Variants in TULP4 observed in about 807,000 individuals in gnomAD.
TULP4 encodes the protein TUB like protein 4.
TULP4 carries 16 observed loss-of-function variants against 129.0 expected under a neutral mutation model. The observed-to-expected ratio is 0.12, with a 90% CI of 0.08 to 0.19. The LOEUF is 0.19. Among genes scored for constraint, TULP4 ranks in the 10% least tolerant of loss-of-function variants. The pLI, the probability that TULP4 is intolerant of heterozygous loss-of-function variation, is 1.00. For synonymous variants in TULP4, 998 were observed against 854.0 expected (o/e 1.17, Z -2.94); for missense variants, 1,842 against 2,059.1 (o/e 0.89, Z 2.04).
At position 158,413,088 on chromosome 6, in the gene TULP4, G is replaced by A; in HGVS notation, c.276G>A (p.Glu92=). ...AGGTTGTGCTGGTGAGGTGGAATGAGCCCTACCAGAAACTGGCCACGTGCG... is the reference window on the plus strand; with the variant it reads ...AGGTTGTGCTGGTGAGGTGGAATGAACCCTACCAGAAACTGGCCACGTGCG... The part of the protein sequence containing the change: ...NSEVVLVRWN[E]PYQKLATCDA... The change falls in exon 2 of 14, where the codon GAG becomes GAA. Residue 92 remains glutamate, a synonymous_variant. Transcript: ENST00000367097. This position sits in a 1 kb window ranked among gnomAD's most constrained non-coding sequence, Gnocchi z 4.9. The A allele has an allele frequency of 6.2e-7, 1 of 1,613,398 alleles. No homozygotes were observed. The highest frequency in any genetic ancestry group is 8.5e-7 in the Non-Finnish European group (1 of 1,179,436).
intron 1 of TULP4, among the ~76,000 whole-genome samples, chr6:158,298,589 G>C (rs968128403): frequency 1.3e-5 from 2 of 152,138 alleles, no homozygotes; most frequent in African/African-American, 2.4e-5. Context: ...TCTTGATCTC[G>C]AACCAACATT....
At chr6:158,364,403 G>A (rs1337225396) in intron 1 of TULP4, among the ~76,000 whole-genome samples, 4 of 151,990 alleles carry the variant, frequency 2.6e-5, no homozygotes, top group Admixed American at 2.6e-4. Context: ...CTTTCCCTTT[G>A]GGTTTTTATT....
At chr6:158,481,893 T>G (rs1779955072) in intron 8 of TULP4, among the ~76,000 whole-genome samples, 1 of 152,200 alleles carries the variant, frequency 6.6e-6, no homozygotes, top group South Asian at 2.1e-4. Flanking sequence ...GATCCTAGAT[T>G]GTAAGCTTCA....
At chr6:158,486,148 A>C (rs541506859) in intron 8 of TULP4, among the ~76,000 whole-genome samples, 170 of 152,182 alleles carry the variant, frequency 1.1e-3, no homozygotes, top group Middle Eastern at 0.01. Flanking sequence ...CCCCCACGTC[A>C]CCCCCAAAAT....
At chr6:158,427,650 T>C (rs888441803) in intron 2 of TULP4, among the ~76,000 whole-genome samples, 32 of 151,738 alleles carry the variant, frequency 2.1e-4, no homozygotes, top group African/African-American at 7.5e-4. Flanking sequence ...CGTGCCACCA[T>C]GCCCAGCTAA....
chr6:158,385,917 GCAC>G (rs1200733552), intron 1 of TULP4, among the ~76,000 whole-genome samples: 1 of 138,268 alleles, frequency 7.2e-6, no homozygotes, highest in Non-Finnish European at 1.5e-5. Context: ...TGATCATAGT[GCAC>G]TGCGGCCTTG....
chr6:158,408,815 CAT>C (rs770912795), intron 1 of TULP4, among the ~76,000 whole-genome samples: 6 of 152,248 alleles, frequency 3.9e-5, no homozygotes, highest in Admixed American at 2.6e-4. Flanking sequence ...AAAATGACCA[CAT>C]GTGTCTACAA....
chr6:158,405,371 G>T (rs976503066), intron 1 of TULP4, among the ~76,000 whole-genome samples: 6 of 152,116 alleles, frequency 3.9e-5, no homozygotes, highest in Non-Finnish European at 1.5e-5. Context: ...GAGAAAGTGG[G>T]TCCAGGGGGC....
chr6:158,361,178 C>G (rs1780779590), intron 1 of TULP4, among the ~76,000 whole-genome samples: 1 of 152,178 alleles, frequency 6.6e-6, no homozygotes, highest in Non-Finnish European at 1.5e-5. Context: ...CAGTGTACTT[C>G]CATCTGTCCA....
At chr6:158,268,634 A>C (rs145160273) in intron 1 of TULP4, among the ~76,000 whole-genome samples, 1,685 of 152,284 alleles carry the variant, frequency 0.011, 35 homozygotes, top group African/African-American at 0.037. Flanking sequence ...AGGTTCCAAC[A>C]TAGGAATTTT....
intron 2 of TULP4, among the ~76,000 whole-genome samples, chr6:158,421,381 C>T (rs1778336425): frequency 7.0e-6 from 1 of 143,306 alleles, no homozygotes; most frequent in African/African-American, 2.4e-5. Flanking sequence ...AAAAGAAATA[C>T]ATTGGTTTGG....
chr6:158,444,378 G>T (rs1562568779), intron 3 of TULP4, among the ~76,000 whole-genome samples: 1 of 151,306 alleles, frequency 6.6e-6, no homozygotes, highest in East Asian at 2.0e-4. Context: ...CACCAGAGGT[G>T]CTAAGGTTAC....
intron 12 of TULP4, among the ~76,000 whole-genome samples, chr6:158,499,050 C>T (rs1780391039): frequency 6.6e-6 from 1 of 152,192 alleles, no homozygotes; most frequent in Admixed American, 6.6e-5. Context: ...AGCAGCGGCG[C>T]CTTGTGTTTT....
chr6:158,337,035 T>TTTCTTTC (rs1780052753), intron 1 of TULP4, among the ~76,000 whole-genome samples: 31 of 26,682 alleles, frequency 1.2e-3, no homozygotes, highest in African/African-American at 2.1e-3. Flanking sequence ...CTTTCTTTCT[T>TTTCTTTC]TTTCTTTCTT....
rs1780537774 is a variant in TULP4, at chr6:158,504,004, C to G, written c.4341C>G (p.Cys1447Trp). 1 of 1,612,432 alleles carries G rather than the reference C, an allele frequency of 6.2e-7. No individual in the cohort carries two copies. ...CCGGCGAGCTGGAGGAGGCCAAGTG[C>G]CGGCGGGCCAGTGAGAAGGAGGACG... Reference protein sequence around the residue: ...RAAGELEEAKCRRASEKEDGR... With the variant: ...RAAGELEEAKWRRASEKEDGR... The change falls in exon 13 of 14, where the codon TGC becomes TGG. Residue 1447 changes from cysteine to tryptophan, a missense_variant. Physicochemically the swap from Cys to Trp is radical, Grantham distance 215. Around this residue, in one of 5 missense-constraint regions of TULP4, gnomAD observed 1,089 missense variants for 987.1 expected, o/e 1.10. Transcript: ENST00000367097.
At position 158,495,835 on chromosome 6, in the gene TULP4, C is replaced by T. The variant is rs1308647102; in HGVS notation, c.1870+989C>T. 2.7e-5 allele frequency among the ~76,000 whole-genome samples: 4 copies of T among 148,068 alleles called. No individual in the cohort carries two copies. In the East Asian group the frequency reaches 5.8e-4, roughly 22 times the overall value. On this transcript the variant is annotated intron_variant, in intron 11 of 13. Coordinates refer to ENST00000367097, the MANE Select transcript of TULP4 (RefSeq NM_020245.5). The stretch of plus-strand genomic sequence containing the variant: ...AGCCTGGGCAACACGAGCGAAACTA[C>T]GTCTCAAGAAAAAAAAAAAAAGATT...
At chr6:158,277,385 GTACATCATGGGTTAA>G (rs1455001248), upstream of TULP4, among the ~76,000 whole-genome samples, 3 of 152,232 alleles carry the variant, frequency 2.0e-5, no homozygotes, top group Non-Finnish European at 4.4e-5. Flanking sequence ...TGCAGCCCAA[GTACATCATGGGTTAA>G]AATGACTTTT....
At chr6:158,490,316 A>T (rs1185658513) in intron 9 of TULP4, among the ~76,000 whole-genome samples, 1 of 152,180 alleles carries the variant, frequency 6.6e-6, no homozygotes, top group African/African-American at 2.4e-5. Context: ...GAATCACTTG[A>T]ATCCGGGAAG....
intron 1 of TULP4, chr6:158,237,665 G>T: frequency 8.1e-7 from 1 of 1,232,704 alleles, no homozygotes; most frequent in Non-Finnish European, 1.2e-6. Flanking sequence ...TAATTCTTAG[G>T]CAATTTTCCC....
Sources: gnomAD v4.1 joint callset for allele counts (sites outside exome capture counted in the v4.1 genomes callset) on GRCh38, gnomAD v4.1.1 for gene constraint, gnomAD v4.1.1 regional missense constraint, Gnocchi (gnomAD v3.1) non-coding constraint, MANE v1.5 for transcripts, NCBI Gene and HGNC (gene_info 2026-07-23, HGNC 2026-07-21) for gene names.